Variants in MCTP2 observed in about 807,000 individuals in gnomAD.
MCTP2 encodes multiple C2 and transmembrane domain-containing protein 2.
A neutral mutation model predicts 111.6 loss-of-function variants in MCTP2; 132 were observed. The ratio of observed to expected loss-of-function variants is 1.18; its 90% CI spans 1.03 to 1.37. The LOEUF (loss-of-function observed/expected upper bound fraction) is 1.37, where lower values mean the gene tolerates loss of function less well. MCTP2 is among the 40% of genes most tolerant of loss of function. The probability of loss-of-function intolerance (pLI) is 0.00; values close to 1 mark genes in which losing one functional copy is unlikely to be tolerated. For synonymous variants in MCTP2, 395 were observed against 387.7 expected (o/e 1.02, Z -0.22); for missense variants, 1,183 against 1,067.9 (o/e 1.11, Z -1.50).
chr15:94,438,350 A>G (rs2152508121), intron 17 of MCTP2, among the ~76,000 whole-genome samples: 1 of 152,250 alleles, frequency 6.6e-6, no homozygotes, highest in African/African-American at 2.4e-5. Flanking sequence ...CCTGAGGTGG[A>G]AAAAATTCAC....
intron 4 of MCTP2, among the ~76,000 whole-genome samples, chr15:94,330,461 T>C (rs1186223378): frequency 1.3e-5 from 2 of 152,208 alleles, no homozygotes; most frequent in East Asian, 3.8e-4. Flanking sequence ...TCACCCTTTA[T>C]ACAGATTCTA....
intron 12 of MCTP2, among the ~76,000 whole-genome samples, chr15:94,374,359 A>G (rs1324479265): frequency 6.6e-6 from 1 of 152,222 alleles, no homozygotes; most frequent in Non-Finnish European, 1.5e-5. Flanking sequence ...GAAGAGTAGG[A>G]AACTATATTG....
chr15:94,443,696 G>A (rs1258121104), intron 19 of MCTP2, among the ~76,000 whole-genome samples: 1 of 152,134 alleles, frequency 6.6e-6, no homozygotes, highest in African/African-American at 2.4e-5. Context: ...GATACAAAGA[G>A]CCTTAGAATT....
At chr15:94,276,469 G>C (rs17547719) in intron 1 of MCTP2, among the ~76,000 whole-genome samples, 14,473 of 151,820 alleles carry the variant, frequency 0.095, 872 homozygotes, top group Non-Finnish European at 0.14. Context: ...GTAAGTTCTA[G>C]CAATTAAGTA....
intron 12 of MCTP2, among the ~76,000 whole-genome samples, chr15:94,379,881 TATATA>T (rs2080028378): frequency 6.8e-6 from 1 of 146,168 alleles, no homozygotes; most frequent in African/African-American, 2.5e-5. Flanking sequence ...AATCTATACT[TATATA>T]TAATATATAT....
At chr15:94,359,172 G>A (rs753057744) in intron 10 of MCTP2, among the ~76,000 whole-genome samples, 2 of 152,124 alleles carry the variant, frequency 1.3e-5, no homozygotes, top group African/African-American at 2.4e-5. Context: ...ATGAAATGAG[G>A]CAGCATAGGT....
chr15:94,470,110 C>T (rs1022861599), intron 20 of MCTP2, among the ~76,000 whole-genome samples: 1 of 152,150 alleles, frequency 6.6e-6, no homozygotes, highest in African/African-American at 2.4e-5. Context: ...CACCAATATT[C>T]TGACAAATTG....
At chr15:94,311,894 T>C (rs188805125) in intron 2 of MCTP2, among the ~76,000 whole-genome samples, 1 of 152,238 alleles carries the variant, frequency 6.6e-6, no homozygotes, top group South Asian at 2.1e-4. Flanking sequence ...AGAATATATA[T>C]GGTCCAGTCT....
chr15:94,247,905 T>C (rs960610549), intron 1 of MCTP2, among the ~76,000 whole-genome samples: 2 of 152,216 alleles, frequency 1.3e-5, no homozygotes, highest in African/African-American at 2.4e-5. Context: ...CATCAAAACT[T>C]ATCTGTAATG....
intron 17 of MCTP2, among the ~76,000 whole-genome samples, chr15:94,422,199 C>T (rs1340556949): frequency 6.6e-6 from 1 of 152,082 alleles, no homozygotes; most frequent in Non-Finnish European, 1.5e-5. Context: ...AAGCTGTGTA[C>T]CTGTCCACAG....
intron 17 of MCTP2, among the ~76,000 whole-genome samples, chr15:94,432,049 A>G (rs1439036626): frequency 1.3e-5 from 2 of 152,214 alleles, no homozygotes; most frequent in East Asian, 1.9e-4. Context: ...CCTCTTAAGT[A>G]TTCATACAAA....
chr15:94,360,417 T>C (rs2078867463), intron 10 of MCTP2, among the ~76,000 whole-genome samples: 1 of 152,184 alleles, frequency 6.6e-6, no homozygotes, highest in Non-Finnish European at 1.5e-5. Flanking sequence ...TGTCTGACGT[T>C]GTCACTGCTG....
At chr15:94,478,867 C>G in intron 22 of MCTP2, 99 bp from the exon 23 acceptor site, 2 of 932,068 alleles carry the variant, frequency 2.1e-6, no homozygotes, top group Non-Finnish European at 3.5e-6. Flanking sequence ...TTTGAACCTT[C>G]CTTCCTTTGC....
intron 1 of MCTP2, among the ~76,000 whole-genome samples, chr15:94,245,388 TTATATA>T (rs2071813912): frequency 2.0e-5 from 1 of 50,848 alleles, no homozygotes; most frequent in Non-Finnish European, 4.8e-5. Flanking sequence ...GTATATGTAT[TTATATA>T]CATGTGTGTA....
At chr15:94,338,640 C>T (rs915973887) in intron 4 of MCTP2, among the ~76,000 whole-genome samples, 19 of 152,020 alleles carry the variant, frequency 1.2e-4, no homozygotes, top group Admixed American at 1.0e-3. Context: ...AGGAGCCGGG[C>T]GGGTCAGCGG....
At chr15:94,474,471 G>A (rs773267984) in intron 21 of MCTP2, among the ~76,000 whole-genome samples, 8 of 152,170 alleles carry the variant, frequency 5.3e-5, no homozygotes, top group Non-Finnish European at 7.4e-5. Flanking sequence ...GGAAGGTTAC[G>A]TGATTTTTCT....
At chr15:94,330,317 A>C (rs748221403) in intron 4 of MCTP2, among the ~76,000 whole-genome samples, 9 of 152,168 alleles carry the variant, frequency 5.9e-5, no homozygotes, top group Non-Finnish European at 1.3e-4. Context: ...GTGCTTAAAT[A>C]GTGGCTTGGG....
intron 1 of MCTP2, among the ~76,000 whole-genome samples, chr15:94,279,582 C>T: frequency 6.6e-6 from 1 of 152,080 alleles, no homozygotes; most frequent in Non-Finnish European, 1.5e-5. Flanking sequence ...GACTTCCTCT[C>T]TTCCTATTTG....
At chr15:94,245,756 C>G (rs1364296393) in intron 1 of MCTP2, among the ~76,000 whole-genome samples, 1 of 147,942 alleles carries the variant, frequency 6.8e-6, no homozygotes, top group Non-Finnish European at 1.5e-5. Context: ...AAAAGAGTAC[C>G]TTTGAAGGCT....
Sources: allele counts gnomAD v4.1 joint callset (sites outside exome capture counted in the v4.1 genomes callset), GRCh38; gene constraint gnomAD v4.1.1; transcripts MANE v1.5; gene names NCBI Gene and HGNC (gene_info 2026-07-23, HGNC 2026-07-21).